IKZF1: variants seen among roughly 807,000 people sequenced by gnomAD.
IKZF1 encodes the protein DNA-binding protein Ikaros.
IKZF1 carries 10 observed loss-of-function variants against 51.7 expected under a neutral mutation model. That is an observed-to-expected ratio of 0.19 (90% CI 0.12 to 0.33). IKZF1 has a LOEUF of 0.33. IKZF1 is among the 10% of genes least tolerant of loss of function. The probability of loss-of-function intolerance (pLI) is 1.00; values close to 1 mark genes in which losing one functional copy is unlikely to be tolerated. For synonymous variants in IKZF1, 280 were observed against 282.3 expected (o/e 0.99, Z 0.08); for missense variants, 484 against 707.5 (o/e 0.68, Z 3.58).
At chr7:50,332,430 A>G (rs1796616242) in intron 3 of IKZF1, among the ~76,000 whole-genome samples, 1 of 152,114 alleles carries the variant, frequency 6.6e-6, no homozygotes, top group African/African-American at 2.4e-5. Flanking sequence ...GGTGTGAGTA[A>G]GGGCATTCCT....
At chr7:50,372,726 T>A (rs969197395) in intron 3 of IKZF1, among the ~76,000 whole-genome samples, 4 of 152,254 alleles carry the variant, frequency 2.6e-5, no homozygotes, top group African/African-American at 9.6e-5. Context: ...CTTCTATATA[T>A]GTCCCTACAT....
chr7:50,374,803 A>G (rs557993396), intron 3 of IKZF1, among the ~76,000 whole-genome samples: 1 of 152,332 alleles, frequency 6.6e-6, no homozygotes, highest in South Asian at 2.1e-4. Context: ...GTGCTTTTAA[A>G]TAGTGCAGCT....
chr7:50,354,544 G>A (rs554429815), intron 3 of IKZF1, among the ~76,000 whole-genome samples: 2 of 152,240 alleles, frequency 1.3e-5, no homozygotes, highest in Non-Finnish European at 2.9e-5. Flanking sequence ...AAGGCAGAAA[G>A]ACAGGGCAGC....
chr7:50,361,152 T>G lies in IKZF1; in HGVS notation c.161-15381T>G, dbSNP rs114825959. On this transcript the variant is annotated intron_variant, in intron 3 of 7. Coordinates refer to ENST00000331340, the MANE Select transcript of IKZF1 (RefSeq NM_006060.6). The stretch of plus-strand genomic sequence containing the variant: ...CCAGCCCTCTTAGTTTTCTTCAGCC[T>G]TTCTTGATTGCCTGAATGTCCCTTT... 3.3e-3 allele frequency among the ~76,000 whole-genome samples: 507 copies of G among 152,346 alleles called. 2 individuals are homozygous for G. The highest frequency in any genetic ancestry group is 0.012 in the African/African-American group (481 of 41,584).
At chr7:50,365,420 A>G (rs1806600962) in intron 3 of IKZF1, among the ~76,000 whole-genome samples, 1 of 152,246 alleles carries the variant, frequency 6.6e-6, no homozygotes, top group African/African-American at 2.4e-5. Context: ...AAAATCAACA[A>G]GTAAATTTGA....
At chr7:50,396,491 T>G (rs1816746486) in intron 7 of IKZF1, among the ~76,000 whole-genome samples, 2 of 152,254 alleles carry the variant, frequency 1.3e-5, no homozygotes, top group Non-Finnish European at 2.9e-5. Context: ...TATGAAGCAA[T>G]TATGAGGCAT....
At chr7:50,363,093 C>T (rs1805733890) in intron 3 of IKZF1, among the ~76,000 whole-genome samples, 1 of 152,158 alleles carries the variant, frequency 6.6e-6, no homozygotes, top group Non-Finnish European at 1.5e-5. Context: ...GTATGGAATC[C>T]AGATGAAGCA....
chr7:50,395,378 A>G (rs185774731), intron 7 of IKZF1, among the ~76,000 whole-genome samples: 1,605 of 152,346 alleles, frequency 0.011, 14 homozygotes, highest in Non-Finnish European at 0.016. Flanking sequence ...TCTGACATAA[A>G]GGAATATTAT....
At chr7:50,387,504 G>A (rs746954097) in intron 6 of IKZF1, 34 bp downstream of exon 6, 5 of 1,588,192 alleles carry the variant, frequency 3.1e-6, no homozygotes, top group Non-Finnish European at 4.3e-6. Context: ...AGCCTGGTGG[G>A]CTCTCCCCCC....
chr7:50,396,152 T>C (rs964612089), intron 7 of IKZF1, among the ~76,000 whole-genome samples: 1 of 152,162 alleles, frequency 6.6e-6, no homozygotes, highest in African/African-American at 2.4e-5. Context: ...TATGTTTTGT[T>C]CCATCTATTG....
At chr7:50,325,636 A>G (rs1226301534) in intron 2 of IKZF1, among the ~76,000 whole-genome samples, 5 of 152,098 alleles carry the variant, frequency 3.3e-5, no homozygotes, top group Admixed American at 6.6e-5. Flanking sequence ...TTAGTTGGGC[A>G]TGGTGGGGGA....
intron 1 of IKZF1, among the ~76,000 whole-genome samples, chr7:50,312,114 G>A (rs1419007536): frequency 6.6e-6 from 1 of 152,154 alleles, no homozygotes; most frequent in Non-Finnish European, 1.5e-5. Context: ...ATCGGTAAGA[G>A]GGCAGAAGAA....
chr7:50,396,984 G>T (rs1274798538), intron 7 of IKZF1, among the ~76,000 whole-genome samples: 1 of 152,188 alleles, frequency 6.6e-6, no homozygotes, highest in African/African-American at 2.4e-5. Context: ...ACTTCTCCAT[G>T]TTCATCTGAT....
At chr7:50,374,954 C>A (rs760585156) in intron 3 of IKZF1, among the ~76,000 whole-genome samples, 2 of 151,992 alleles carry the variant, frequency 1.3e-5, no homozygotes, top group African/African-American at 2.4e-5. Flanking sequence ...CCTCAGTGTA[C>A]ATTAGAATCT....
At chr7:50,399,284 A>G (rs1817505474) in intron 7 of IKZF1, among the ~76,000 whole-genome samples, 1 of 151,468 alleles carries the variant, frequency 6.6e-6, no homozygotes, top group Non-Finnish European at 1.5e-5. Context: ...TCTCATCTCA[A>G]GACAGAGTTC....
chr7:50,304,343 C>A (rs914263539), upstream of IKZF1: 1 of 148,752 alleles, frequency 6.7e-6, no homozygotes, highest in Non-Finnish European at 1.5e-5. Context: ...AGCAGCGATC[C>A]GGGAGGCGGC....
intron 2 of IKZF1, among the ~76,000 whole-genome samples, chr7:50,323,414 C>T (rs1793964052): frequency 6.6e-6 from 1 of 152,204 alleles, no homozygotes; most frequent in Non-Finnish European, 1.5e-5. Flanking sequence ...TATAATAAAA[C>T]CTCATGCATT....
chr7:50,343,004 TTTCCTTCCTTCCTGTCTTTCTTC>T (rs1417163303), intron 3 of IKZF1, among the ~76,000 whole-genome samples: 1 of 152,078 alleles, frequency 6.6e-6, no homozygotes, highest in African/African-American at 2.4e-5. Flanking sequence ...TTTCCTCCTT[TTTCCTTCCTTCCTGTCTTTCTTC>T]TTCCTTCCTT....
chr7:50,334,524 G>T (rs1053780201), intron 3 of IKZF1, among the ~76,000 whole-genome samples: 3 of 151,836 alleles, frequency 2.0e-5, no homozygotes, highest in Non-Finnish European at 4.4e-5. Flanking sequence ...GTGTGTGTGT[G>T]TATGTGTAGT....
Sources: gnomAD v4.1 joint callset for allele counts (sites outside exome capture counted in the v4.1 genomes callset) on GRCh38, gnomAD v4.1.1 for gene constraint, MANE v1.5 for transcripts, NCBI Gene and HGNC (gene_info 2026-07-23, HGNC 2026-07-21) for gene names.